Variants in EXOC5 observed in about 807,000 individuals in gnomAD.
EXOC5 encodes SEC10-like 1.
A neutral mutation model predicts 90.8 loss-of-function variants in EXOC5; 17 were observed. The observed-to-expected ratio is 0.19, with a 90% CI of 0.13 to 0.28. The LOEUF (loss-of-function observed/expected upper bound fraction) is 0.28, where lower values mean the gene tolerates loss of function less well. Ranked by LOEUF, EXOC5 falls within the 10% of genes least tolerant of loss-of-function variation. The probability of loss-of-function intolerance (pLI) is 1.00; values close to 1 mark genes in which losing one functional copy is unlikely to be tolerated. For missense variants in EXOC5, 569 were observed against 830.6 expected (o/e 0.69, Z 3.87); for synonymous variants, 260 against 270.0 (o/e 0.96, Z 0.36).
chr14:57,220,710 G>A (rs1477890289), intron 13 of EXOC5, among the ~76,000 whole-genome samples: 1 of 152,132 alleles, frequency 6.6e-6, no homozygotes, highest in Non-Finnish European at 1.5e-5. Context: ...TGAGGTAGGA[G>A]TATTGCTTGA....
chr14:57,234,036 C>A lies in EXOC5; in HGVS notation c.670-4G>T, dbSNP rs764441402. The A allele has an allele frequency of 1.7e-5, 27 of 1,579,022 alleles. No homozygotes were observed. Among genetic ancestry groups the A allele is most frequent in the Non-Finnish European group, 2.3e-5 (26 of 1,149,444 alleles). On this transcript the variant is annotated splice_region_variant and splice_polypyrimidine_tract_variant and intron_variant, in intron 7 of 17. Transcript: ENST00000621441. ...CATCAACACAATGGGAATAACCCTA[C>A]AAGGAAGAAACACATTGTTATTATT...
intron 15 of EXOC5, among the ~76,000 whole-genome samples, chr14:57,213,841 G>A (rs373788852): frequency 4.0e-5 from 6 of 151,156 alleles, no homozygotes; most frequent in South Asian, 2.1e-4. Flanking sequence ...ATGGTGGTGC[G>A]CACCTGTAGT....
rs750300239 is a variant in EXOC5 at position 57,231,547 on chromosome 14, A to G, written c.1107T>C (p.Tyr369=). 2.5e-6 allele frequency: 4 copies of G among 1,611,972 alleles called. No homozygotes were observed. The highest frequency in any genetic ancestry group is 2.5e-6 in the Non-Finnish European group (3 of 1,179,680). ...SRSAMILQRY[Y]DSKNHQKRSI... ...ATCTCTTTTGATGGTTTTTCGAATC[A>G]TAATAGCGCTGTAGGATCATAGCAC... The change falls in exon 11 of 18, where the codon TAT becomes TAC. Residue 369 remains tyrosine, a synonymous_variant. Transcript: ENST00000621441.
Position 57,200,861 on chromosome 14 carries a change from A to G in EXOC5, c.*7748T>C, listed in dbSNP as rs1443794766. The G allele has an allele frequency of 2.0e-5, 3 of 152,100 alleles. No individual in the cohort carries two copies. Among genetic ancestry groups the G allele is most frequent in the African/African-American group, 4.8e-5 (2 of 41,420 alleles). 9.4% of individuals were successfully genotyped at this position (152,100 alleles called of 1,614,324 possible). A position where few individuals can be genotyped will look rare whatever the true frequency, so the allele number is the denominator to read the frequency against. ...TTAAAATTTTTACAGGATTTCTGCAATGACCATTCTTATTCCCTCAATTTG... is the reference window on the plus strand; with the variant it reads ...TTAAAATTTTTACAGGATTTCTGCAGTGACCATTCTTATTCCCTCAATTTG... On this transcript the variant is annotated 3_prime_UTR_variant, in exon 18 of 18. Coordinates refer to ENST00000621441, the MANE Select transcript of EXOC5 (RefSeq NM_006544.4).
chr14:57,268,691 C>T lies in EXOC5; in HGVS notation c.-43G>A, dbSNP rs1001139858. ...CTCGCCCCCCACTGGATGCCGTCTC[C>T]GCTTCACATGCTGCGCCTCAGAGGC... On this transcript the variant is annotated 5_prime_UTR_variant, in exon 1 of 18. Transcript: ENST00000621441. 4 of 1,565,748 alleles carry T rather than the reference C, an allele frequency of 2.6e-6. No homozygotes were observed. The highest frequency in any genetic ancestry group is 2.4e-5 in the East Asian group (1 of 42,186).
chr14:57,206,150 G>A lies in EXOC5; in HGVS notation c.*2459C>T, dbSNP rs528382169. On this transcript the variant is annotated 3_prime_UTR_variant, in exon 18 of 18. Transcript: ENST00000621441. ...CTAAATACTGCATATTAGCTCATGC[G>A]GTATTGTGTAATACTGCAAAGACCG... The A allele has an allele frequency of 7.1e-4, 262 of 366,684 alleles. No individual in the cohort carries two copies. The highest frequency in any genetic ancestry group is 1.1e-3 in the Non-Finnish European group (208 of 187,558). The allele number at this position is 366,684 out of a possible 1,614,324, so 22.7% of individuals were successfully genotyped here. A position where few individuals can be genotyped will look rare whatever the true frequency, so the allele number is the denominator to read the frequency against.
intron 1 of EXOC5, among the ~76,000 whole-genome samples, chr14:57,262,552 G>A (rs1015437287): frequency 2.7e-5 from 4 of 148,514 alleles, no homozygotes; most frequent in African/African-American, 9.9e-5. Context: ...GTGTGTGTGT[G>A]TGTGTGTGTG....
intron 4 of EXOC5, 40 bp from the exon 5 acceptor site, chr14:57,239,699 T>C (rs1883797206): frequency 8.2e-7 from 1 of 1,226,518 alleles, no homozygotes; most frequent in Non-Finnish European, 1.1e-6. Flanking sequence ...TAAAAAACTT[T>C]TAGGCATATC....
chr14:57,218,391 C>CT (rs1371635957), intron 14 of EXOC5, among the ~76,000 whole-genome samples: 2 of 151,924 alleles, frequency 1.3e-5, no homozygotes, highest in Non-Finnish European at 2.9e-5. Flanking sequence ...ATTTGGTTTT[C>CT]TTTATAAACA....
Position 57,249,043 on chromosome 14 carries a change from T to A in EXOC5, c.28-1331A>T, listed in dbSNP as rs575335561. On this transcript the variant is annotated intron_variant, in intron 1 of 17. Coordinates refer to ENST00000621441, the MANE Select transcript of EXOC5 (RefSeq NM_006544.4). ...AAGCTACTTAAAAATTTTAGAAAAC[T>A]TGACCATCACATGAAATACCCCTAT... Among the ~76,000 whole-genome samples the A allele has an allele frequency of 2.0e-5, 3 of 152,278 alleles. No homozygotes were observed. The South Asian group carries it at 6.2e-4, about 32-fold the overall frequency.
chr14:57,205,695 G>A lies in EXOC5; in HGVS notation c.*2914C>T. The A allele has an allele frequency of 2.9e-6, 1 of 347,096 alleles. No individual in the cohort carries two copies. Among genetic ancestry groups the A allele is most frequent in the Non-Finnish European group, 5.5e-6 (1 of 181,570 alleles). 21.5% of individuals were successfully genotyped at this position (347,096 alleles called of 1,614,324 possible). The stretch of plus-strand genomic sequence containing the variant: ...TGATTGATAATTAAATTATTTCACT[G>A]TGAACCAGAAGGCTAGTATTTAGAA... On this transcript the variant is annotated 3_prime_UTR_variant, in exon 18 of 18. Transcript: ENST00000621441.
At chr14:57,222,573 A>G (rs1380411940) in intron 12 of EXOC5, among the ~76,000 whole-genome samples, 157 bp from the exon 13 acceptor site, 1 of 151,656 alleles carries the variant, frequency 6.6e-6, no homozygotes, top group African/African-American at 2.4e-5. Flanking sequence ...GCACAAATAC[A>G]CACACACACA....
rs550228294 is a variant in EXOC5 at position 57,247,361 on chromosome 14, TA to T, written c.122+256del. On this transcript the variant is annotated intron_variant, in intron 2 of 17. Coordinates refer to ENST00000621441, the MANE Select transcript of EXOC5 (RefSeq NM_006544.4). ...TTTAGAAGTATAATCATTTCTAGTTTATGACTCATTAGAAGAAATGTCAAAT... is the reference window on the plus strand; with the variant it reads ...TTTAGAAGTATAATCATTTCTAGTTTTGACTCATTAGAAGAAATGTCAAAT... 2.4e-4 allele frequency among the ~76,000 whole-genome samples: 36 copies of T among 152,310 alleles called. 1 individual carries two copies. The South Asian group carries it at 7.2e-3, about 31-fold the overall frequency.
At chr14:57,251,267 G>A (rs1010218435) in intron 1 of EXOC5, among the ~76,000 whole-genome samples, 3 of 152,160 alleles carry the variant, frequency 2.0e-5, no homozygotes, top group African/African-American at 7.2e-5. Context: ...GTAGGGGCCA[G>A]CATGTCCAAA....
chr14:57,268,444 TC>T, intron 1 of EXOC5, 177 bp downstream of exon 1: 2 of 1,412,670 alleles, frequency 1.4e-6, no homozygotes, highest in Non-Finnish European at 1.9e-6. Flanking sequence ...CAAGCACCCC[TC>T]CCCCATTTCA....
chr14:57,228,405 G>A (rs1021853588), intron 12 of EXOC5, among the ~76,000 whole-genome samples: 3 of 152,094 alleles, frequency 2.0e-5, no homozygotes, highest in South Asian at 2.1e-4. Context: ...ACATGCACAC[G>A]TATGTTTACT....
At chr14:57,238,373 T>TAC (rs1353864854) in intron 5 of EXOC5, among the ~76,000 whole-genome samples, 2,547 of 79,712 alleles carry the variant, frequency 0.032, 23 homozygotes, top group East Asian at 0.055. Context: ...TATATATATA[T>TAC]ATACACACAC....
chr14:57,261,760 T>A (rs1239885121), intron 1 of EXOC5, among the ~76,000 whole-genome samples: 1 of 152,234 alleles, frequency 6.6e-6, no homozygotes, highest in Non-Finnish European at 1.5e-5. Flanking sequence ...TGGTGTTTAC[T>A]GTTAGCTGGG....
intron 1 of EXOC5, among the ~76,000 whole-genome samples, chr14:57,259,454 A>G (rs910277983): frequency 2.0e-5 from 3 of 152,038 alleles, no homozygotes; most frequent in Admixed American, 6.5e-5. Context: ...CACCTACCCA[A>G]ATTTCTCTGT....
Sources: allele counts gnomAD v4.1 joint callset (sites outside exome capture counted in the v4.1 genomes callset), GRCh38; gene constraint gnomAD v4.1.1; transcripts MANE v1.5; gene names NCBI Gene and HGNC (gene_info 2026-07-23, HGNC 2026-07-21).